MAMSTR: variants seen among roughly 807,000 people sequenced by gnomAD.
MAMSTR encodes MEF2 activating motif and SAP domain containing transcriptional regulator, also known as MEF2-activating motif and SAP domain-containing transcriptional regulator.
MAMSTR carries 41 observed loss-of-function variants against 42.7 expected under a neutral mutation model. The observed-to-expected ratio is 0.96, with a 90% CI of 0.75 to 1.25. The LOEUF is 1.25. Ranked by LOEUF, MAMSTR falls within the 50% of genes most tolerant of loss-of-function variation. The pLI is 0.00. For synonymous variants in MAMSTR, 265 were observed against 244.1 expected, an observed-to-expected ratio of 1.09 and a Z score of -0.80; for missense variants, 567 against 557.6, an observed-to-expected ratio of 1.02 and a Z score of -0.17.
chr19:48,711,106 C>A (rs79207793), downstream of MAMSTR, among the ~76,000 whole-genome samples: 4 of 152,124 alleles, frequency 2.6e-5, no homozygotes, highest in Non-Finnish European at 4.4e-5. Context: ...AGTGCCCTCC[C>A]GTATTTAACG....
At chr19:48,715,977 T>G in intron 3 of MAMSTR, 1 of 1,374,020 alleles carries the variant, frequency 7.3e-7, no homozygotes, top group Non-Finnish European at 9.3e-7. Flanking sequence ...GCAGGAATTT[T>G]CTATCACAAA....
chr19:48,717,980 C>T lies in MAMSTR; in HGVS notation c.58+994G>A, dbSNP rs549021762. On this transcript the variant is annotated intron_variant, in intron 2 of 9. Transcript: ENST00000318083. ...TTGGCCTCCCAAAGTGCTAGGACTACAGGCATCAGCCACCTTGCCCGGCGT... is the reference window on the plus strand; with the variant it reads ...TTGGCCTCCCAAAGTGCTAGGACTATAGGCATCAGCCACCTTGCCCGGCGT... Among the ~76,000 whole-genome samples, 6 of 152,326 alleles carry T rather than the reference C, an allele frequency of 3.9e-5. No homozygotes were observed. The South Asian group carries it at 1.2e-3, about 32-fold the overall frequency.
chr19:48,705,905 TATAA>T, the MAMSTR span: 212 of 166,460 alleles, frequency 1.3e-3, 2 homozygotes, highest in Middle Eastern at 3.4e-3. Flanking sequence ...CCCTGACTCT[TATAA>T]ATAAATAAAT....
chr19:48,711,213 T>C (rs281380), downstream of MAMSTR, among the ~76,000 whole-genome samples: 60,324 of 152,110 alleles, frequency 0.4, 12,753 homozygotes, highest in East Asian at 0.85. Context: ...CTTCTGCTCC[T>C]GGCTCTTGGA....
the MAMSTR span, among the ~76,000 whole-genome samples, chr19:48,707,139 C>A: frequency 1.5e-4 from 23 of 152,122 alleles, no homozygotes; most frequent in South Asian, 3.0e-3. Flanking sequence ...AAGATACAGG[C>A]CAGGCGTGGT....
At position 48,714,394 on chromosome 19, in the gene MAMSTR, G is replaced by A. The variant is rs1411896223; in HGVS notation, c.695C>T (p.Ala232Val). The A allele has an allele frequency of 2.9e-6, 4 of 1,385,260 alleles. No homozygotes were observed. The highest frequency in any genetic ancestry group is 3.5e-5 in the Admixed American group (1 of 28,496). The allele number at this position is 1,385,260 out of a possible 1,614,324, so 85.8% of individuals were successfully genotyped here. Reference protein sequence around the residue: ...GAPWPRLKPKALAAARRQGSV... With the variant: ...GAPWPRLKPKVLAAARRQGSV... ...GCCCTGACGCCGGGCGGCTGCCAGG[G>A]CCTTGGGCTTGAGGCGCGGCCAGGG... Residue 232 changes from alanine (A) to valine (V), a missense_variant, in exon 7 of 10, where the codon GCC becomes GTC. By Grantham distance (64) the Ala-to-Val change is moderately conservative (BLOSUM62 0). Transcript: ENST00000318083.
At chr19:48,708,697 A>G (rs1273233802), downstream of MAMSTR, among the ~76,000 whole-genome samples, 2 of 152,198 alleles carry the variant, frequency 1.3e-5, no homozygotes. Context: ...TCAGCTCAAC[A>G]GAGCCCACTC....
intron 2 of MAMSTR, 111 bp from the exon 3 acceptor site, chr19:48,716,854 C>T (rs1292855432): frequency 7.2e-6 from 9 of 1,243,814 alleles, no homozygotes; most frequent in South Asian, 3.8e-5. Flanking sequence ...GCGTGCCCAG[C>T]CCCCTTACAC....
downstream of MAMSTR, among the ~76,000 whole-genome samples, chr19:48,709,308 C>A (rs1428349208): frequency 6.6e-6 from 1 of 152,064 alleles, no homozygotes; most frequent in Non-Finnish European, 1.5e-5. Context: ...ACCACCACAC[C>A]CGGCTAATTT....
At position 48,714,359 on chromosome 19, in the gene MAMSTR, C is replaced by T; in HGVS notation, c.723+7G>A. On this transcript the variant is annotated splice_region_variant and intron_variant, in intron 7 of 9. Transcript: ENST00000318083. ...ATTGGTCCGCAAGCTCATAGCCCCG[C>T]CCTCACCGAGCCCTGACGCCGGGCG... is the stretch of plus-strand genomic sequence containing the variant. The T allele has an allele frequency of 2.2e-6, 3 of 1,367,916 alleles. No individual in the cohort carries two copies. Among genetic ancestry groups the T allele is most frequent in the Non-Finnish European group, 2.8e-6 (3 of 1,069,120 alleles). 84.7% of individuals were successfully genotyped at this position (1,367,916 alleles called of 1,614,324 possible).
chr19:48,716,703 A>C lies in MAMSTR; in HGVS notation c.97+2T>G. Reference sequence around the variant, plus strand: ...CCCCTCCCTTTTGGGGCCCATACTTACTCTGCTCCTGATTCCGTCTGTGGA... The same window carrying C: ...CCCCTCCCTTTTGGGGCCCATACTTCCTCTGCTCCTGATTCCGTCTGTGGA... On this transcript the variant is annotated splice_donor_variant, in intron 3 of 9. Transcript: ENST00000318083. LOFTEE classifies it high-confidence loss of function. 1.5e-6 allele frequency: 2 copies of C among 1,332,848 alleles called. No homozygotes were observed. The highest frequency in any genetic ancestry group is 1.9e-6 in the Non-Finnish European group (2 of 1,033,072). The allele number at this position is 1,332,848 out of a possible 1,614,324, so 82.6% of individuals were successfully genotyped here. A position where few individuals can be genotyped will look rare whatever the true frequency, so the allele number is the denominator to read the frequency against.
At chr19:48,710,260 A>T (rs1232134848), downstream of MAMSTR, among the ~76,000 whole-genome samples, 3 of 137,674 alleles carry the variant, frequency 2.2e-5, no homozygotes, top group African/African-American at 8.5e-5. Flanking sequence ...GTGCACCACC[A>T]CACCTGGCTA....
In MAMSTR at chr19:48,719,062, G is replaced by A. The variant is rs754111384; in HGVS notation, c.-21-10C>T. On this transcript the variant is annotated splice_polypyrimidine_tract_variant and intron_variant, in intron 1 of 9. Transcript: ENST00000318083. The surrounding 1 kb of genome is among the most constrained non-coding windows in gnomAD (Gnocchi z 4.4). ...AGGCCGGGATGGGGACCTGGACGGA[G>A]AGGGGGCAGGGCAGGGGCCCCATAG... The A allele has an allele frequency of 1.3e-6, 2 of 1,548,410 alleles. No individual in the cohort carries two copies. The highest frequency in any genetic ancestry group is 1.2e-5 in the South Asian group (1 of 84,006).
At position 48,713,503 on chromosome 19, in the gene MAMSTR, G is replaced by A; in HGVS notation, c.1012C>T (p.Leu338=). 1 of 1,612,762 alleles carries A rather than the reference G, an allele frequency of 6.2e-7. No homozygotes were observed. Among genetic ancestry groups the A allele is most frequent in the South Asian group, 1.1e-5 (1 of 91,006 alleles). ...PLDFPGSFDV[L]SPSPDSEGLS... ...CCTTCAGAGTCCGGGGAGGGGGACA[G>A]CACGTCGAAGGAGCCAGGGAAGTCC... The change falls in exon 10 of 10, where the codon CTG becomes TTG. Residue 338 remains leucine (L), a synonymous_variant. Transcript: ENST00000318083.
rs752485688 is a variant in MAMSTR, at chr19:48,713,471, T to G, written c.1044A>C (p.Ser348=). ...ACGGGAGTGAAGAGGAGAAAACAGA[T>G]GAGAGGCCTTCAGAGTCCGGGGAGG... ...LSPSPDSEGL[S]SVFSSSLPSP... is the part of the protein sequence containing the mutation. The change falls in exon 10 of 10, where the codon TCA becomes TCC. Residue 348 remains serine, a synonymous_variant. Coordinates refer to ENST00000318083, the MANE Select transcript of MAMSTR (RefSeq NM_001130915.2). 4 of 1,609,974 alleles carry G rather than the reference T, an allele frequency of 2.5e-6. No individual in the cohort carries two copies. The highest frequency in any genetic ancestry group is 2.2e-5 in the South Asian group (2 of 90,848).
downstream of MAMSTR, among the ~76,000 whole-genome samples, chr19:48,711,255 G>A (rs2032720165): frequency 6.6e-6 from 1 of 152,222 alleles, no homozygotes; most frequent in Non-Finnish European, 1.5e-5. Context: ...GAGCTATCAT[G>A]CAAGAAATCT....
chr19:48,708,229 ATC>A (rs1287405968), downstream of MAMSTR, among the ~76,000 whole-genome samples: 1 of 90,638 alleles, frequency 1.1e-5, no homozygotes, highest in African/African-American at 4.0e-5. Context: ...AGTGAACTCC[ATC>A]AAAAAAAAAA....
rs1475772431 is a variant in MAMSTR, at chr19:48,713,277, TCCTCCAGCA to T, written c.1229_1237del (p.Leu410_Asp413delinsHis). 1 of 1,594,478 alleles carries T rather than the reference TCCTCCAGCA, an allele frequency of 6.3e-7. No individual in the cohort carries two copies. Among genetic ancestry groups the T allele is most frequent in the Non-Finnish European group, 8.5e-7 (1 of 1,174,772 alleles). On this transcript the variant is annotated inframe_deletion, in exon 10 of 10. Coordinates refer to ENST00000318083, the MANE Select transcript of MAMSTR (RefSeq NM_001130915.2). The stretch of plus-strand genomic sequence containing the variant: ...AAATCCTAGAATCCATCACCATGGA[TCCTCCAGCA>T]GGTCCCACAGCCGGCTGCTGCTGGA...
rs204248 is a variant in MAMSTR at position 48,712,967 on chromosome 19, G to C, written c.*300C>G. On this transcript the variant is annotated 3_prime_UTR_variant, in exon 10 of 10. Coordinates refer to ENST00000318083, the MANE Select transcript of MAMSTR (RefSeq NM_001130915.2). ...CAACAGGGAGCCATCTACCGGGGTC[G>C]GGGGCATGTAAGAACATCCATGAGG... 0.38 allele frequency: 109,743 copies of C among 292,434 alleles called. 22,950 individuals carry two copies. Among genetic ancestry groups the C allele is most frequent in the East Asian group, 0.83 (12,285 of 14,860 alleles). The allele number at this position is 292,434 out of a possible 1,614,324, so 18.1% of individuals were successfully genotyped here. A position where few individuals can be genotyped will look rare whatever the true frequency, so the allele number is the denominator to read the frequency against.
Sources: gnomAD v4.1 joint callset for allele counts (sites outside exome capture counted in the v4.1 genomes callset) on GRCh38, gnomAD v4.1.1 for gene constraint, Gnocchi (gnomAD v3.1) non-coding constraint, MANE v1.5 for transcripts, NCBI Gene and HGNC (gene_info 2026-07-23, HGNC 2026-07-21) for gene names.